The following UBE3B variants were observed in gnomAD, a reference collection of about 807,000 sequenced individuals.
The protein encoded by UBE3B is ubiquitin-protein ligase E3B.
In UBE3B, 80 loss-of-function variants were observed where a neutral mutation model predicts 132.3. The observed-to-expected ratio is 0.60, with a 90% CI of 0.50 to 0.73. The LOEUF (loss-of-function observed/expected upper bound fraction) is 0.73. Among genes scored for constraint, UBE3B ranks in the 30% least tolerant of loss-of-function variants. UBE3B has a pLI of 0.00. For synonymous variants in UBE3B, 487 were observed against 520.4 expected (o/e 0.94, Z 0.87); for missense variants, 1,196 against 1,362.5 (o/e 0.88, Z 1.92).
At chr12:109,510,517 G>C (rs1000980026) in intron 17 of UBE3B, 59 bp downstream of exon 17, 5 of 1,372,030 alleles carry the variant, frequency 3.6e-6, no homozygotes, top group Non-Finnish European at 5.1e-6. Flanking sequence ...CACGCTGCCC[G>C]AGCACTCAGC....
intron 15 of UBE3B, chr12:109,508,486 A>G (rs751348475): frequency 1.0e-6 from 1 of 983,238 alleles, no homozygotes. Context: ...AAGCTTATGC[A>G]TCTTGTGTGT....
chr12:109,501,119 G>A (rs1025774261), intron 12 of UBE3B, among the ~76,000 whole-genome samples: 1 of 152,210 alleles, frequency 6.6e-6, no homozygotes, highest in Non-Finnish European at 1.5e-5. Context: ...AAGTGTCTTC[G>A]AGAAGAGTGT....
chr12:109,531,457 A>G (rs73196293), intron 26 of UBE3B, among the ~76,000 whole-genome samples: 8,191 of 152,232 alleles, frequency 0.054, 301 homozygotes, highest in Non-Finnish European at 0.082. Context: ...CAGAATATCA[A>G]TGAACATTTT....
At chr12:109,525,843 G>A (rs139534109) in intron 23 of UBE3B, among the ~76,000 whole-genome samples, 55 of 152,150 alleles carry the variant, frequency 3.6e-4, no homozygotes, top group African/African-American at 1.3e-3. Flanking sequence ...AGATGAAAAC[G>A]CAAGCTGCCC....
At chr12:109,520,593 CT>C (rs1296051805) in intron 19 of UBE3B, 1 of 152,486 alleles carries the variant, frequency 6.6e-6, no homozygotes, top group Non-Finnish European at 1.5e-5. Context: ...CCCTGTTACT[CT>C]TTGCCTAAAA....
At position 109,490,615 on chromosome 12, in the gene UBE3B, C is replaced by A. The variant is rs575646965; in HGVS notation, c.631-430C>A. 5.9e-6 allele frequency: 9 copies of A among 1,533,216 alleles called. No homozygotes were observed. The East Asian group carries it at 1.2e-4, about 21-fold the overall frequency. The allele number at this position is 1,533,216 out of a possible 1,614,324, so 95.0% of individuals were successfully genotyped here. On this transcript the variant is annotated intron_variant, in intron 8 of 27. Coordinates refer to ENST00000342494, the MANE Select transcript of UBE3B (RefSeq NM_130466.4). ...GCTAGAGGAACCTTCTACTTCATAC[C>A]ATAATTAAACGGCTTCTAAAATAAT...
chr12:109,535,599 G>A lies in UBE3B; in HGVS notation c.*817G>A, dbSNP rs1203765629. 1 of 152,214 alleles carries A rather than the reference G, an allele frequency of 6.6e-6. No individual in the cohort carries two copies. Among genetic ancestry groups the A allele is most frequent in the Non-Finnish European group, 1.5e-5 (1 of 68,074 alleles). 9.4% of individuals were successfully genotyped at this position (152,214 alleles called of 1,614,324 possible). ...GTTCCCCAAAGCCTGCTTGTCCCGC[G>A]GAGGACGGCTGCCTTTGACCCTGCT... On this transcript the variant is annotated 3_prime_UTR_variant, in exon 28 of 28. Transcript: ENST00000342494.
At chr12:109,502,115 CAT>C (rs896808471) in intron 13 of UBE3B, among the ~76,000 whole-genome samples, 2 of 152,190 alleles carry the variant, frequency 1.3e-5, no homozygotes, top group African/African-American at 4.8e-5. Flanking sequence ...TGTCCACACA[CAT>C]ATGTTACATT....
chr12:109,511,335 G>GTCTT, intron 18 of UBE3B, 32 bp downstream of exon 18: 1 of 1,597,552 alleles, frequency 6.3e-7, no homozygotes, highest in South Asian at 1.1e-5. Flanking sequence ...GCCCCGATGT[G>GTCTT]TCTTTCTATT....
At position 109,534,267 on chromosome 12, in the gene UBE3B, G is replaced by C. The variant is rs966586987; in HGVS notation, c.3016-324G>C. Reference sequence around the variant, plus strand: ...GAGGAGTGCATTCAGAAATGTTTGGGCACCTAACAGTTTTTACAGCATTCT... The same window carrying C: ...GAGGAGTGCATTCAGAAATGTTTGGCCACCTAACAGTTTTTACAGCATTCT... On this transcript the variant is annotated intron_variant, in intron 27 of 27. Transcript: ENST00000342494. The surrounding 1 kb of genome is among the most constrained non-coding windows in gnomAD (Gnocchi z 5.2). The C allele has an allele frequency of 3.0e-6, 4 of 1,316,110 alleles. No homozygotes were observed. The highest frequency in any genetic ancestry group is 2.9e-6 in the Non-Finnish European group (3 of 1,024,696). 81.5% of individuals were successfully genotyped at this position (1,316,110 alleles called of 1,614,324 possible).
intron 10 of UBE3B, 65 bp from the exon 11 acceptor site, chr12:109,498,168 A>G (rs1352176031): frequency 5.7e-6 from 9 of 1,590,662 alleles, no homozygotes; most frequent in Admixed American, 3.4e-5. Context: ...CAAGTGATCA[A>G]GTTCACTCTC....
chr12:109,490,818 T>G (rs963855308), intron 8 of UBE3B: 14 of 1,288,572 alleles, frequency 1.1e-5, no homozygotes, highest in Non-Finnish European at 1.4e-5. Flanking sequence ...TGTTTTTTTG[T>G]TTTTTTGTTT....
the UBE3B span, among the ~76,000 whole-genome samples, chr12:109,541,810 G>C: frequency 3.3e-5 from 5 of 152,202 alleles, no homozygotes; most frequent in East Asian, 3.8e-4. Flanking sequence ...GTGCTTGGCT[G>C]TAACTGTATC....
intron 18 of UBE3B, among the ~76,000 whole-genome samples, chr12:109,512,591 T>G (rs1174274863): frequency 6.6e-6 from 1 of 152,230 alleles, no homozygotes; most frequent in African/African-American, 2.4e-5. Flanking sequence ...TTTTCTTTTT[T>G]TAACGAAGTA....
At chr12:109,528,322 C>T in intron 24 of UBE3B, 2 of 985,178 alleles carry the variant, frequency 2.0e-6, no homozygotes, top group Non-Finnish European at 2.4e-6. Flanking sequence ...CCCCCTTTCT[C>T]AGTAAAGTGG....
rs748916432 is a variant in UBE3B, at chr12:109,498,354, G to A, written c.940+1G>A. The stretch of plus-strand genomic sequence containing the variant: ...GGATGCCATACGCTTTGTCTAATGG[G>A]TAAGTATCCGTGGCTGGAACTTGAT... On this transcript the variant is annotated splice_donor_variant, in intron 11 of 27. Transcript: ENST00000342494. LOFTEE classifies it high-confidence loss of function. 2 of 1,613,118 alleles carry A rather than the reference G, an allele frequency of 1.2e-6. No individual in the cohort carries two copies. Among genetic ancestry groups the A allele is most frequent in the Non-Finnish European group, 1.7e-6 (2 of 1,179,286 alleles).
intron 6 of UBE3B, among the ~76,000 whole-genome samples, chr12:109,486,822 A>G (rs1876554942): frequency 1.3e-5 from 2 of 152,056 alleles, no homozygotes; most frequent in Admixed American, 6.6e-5. Context: ...TTTCCTTCCC[A>G]TTCATTTAAT....
intron 7 of UBE3B, 53 bp from the exon 8 acceptor site, chr12:109,489,866 C>A: frequency 6.6e-7 from 1 of 1,523,348 alleles, no homozygotes; most frequent in Non-Finnish European, 9.1e-7. Context: ...CCCACATAAA[C>A]AGGTCACATT....
At chr12:109,490,593 A>G in intron 8 of UBE3B, 1 of 1,535,910 alleles carries the variant, frequency 6.5e-7, no homozygotes, top group Non-Finnish European at 8.7e-7. Context: ...TTGTCTCGCT[A>G]GAGGAACCTT....
Sources: allele counts gnomAD v4.1 joint callset (sites outside exome capture counted in the v4.1 genomes callset), GRCh38; gene constraint gnomAD v4.1.1; non-coding constraint Gnocchi (gnomAD v3.1); transcripts MANE v1.5; gene names NCBI Gene and HGNC (gene_info 2026-07-23, HGNC 2026-07-21).